The following ANO3 variants were observed in gnomAD, a reference collection of about 807,000 sequenced individuals.
ANO3 encodes the protein anoctamin 3.
Under a neutral mutation model 144.8 loss-of-function variants are expected in ANO3, and 99 were observed. The observed-to-expected ratio is 0.68, with a 90% CI of 0.58 to 0.81. ANO3 has a LOEUF of 0.81. ANO3 is among the 30% of genes least tolerant of loss of function. The probability of loss-of-function intolerance (pLI) is 0.00; values close to 1 mark genes in which losing one functional copy is unlikely to be tolerated. For synonymous variants in ANO3, 414 were observed against 392.6 expected (o/e 1.05, Z -0.64); for missense variants, 905 against 1,202.2 (o/e 0.75, Z 3.66).
chr11:26,596,024 T>C (rs1019147488), intron 14 of ANO3, among the ~76,000 whole-genome samples: 35 of 152,234 alleles, frequency 2.3e-4, no homozygotes, highest in Non-Finnish European at 1.2e-4. Flanking sequence ...CTCAGTGTTT[T>C]GGGCTATGCC....
chr11:26,565,184 ATTTGGAAAGAGT>A (rs1850516921), intron 14 of ANO3: 2 of 1,506,038 alleles, frequency 1.3e-6, no homozygotes, highest in Non-Finnish European at 1.8e-6. Context: ...GATCTGACGT[ATTTGGAAAGAGT>A]TTTGAATTAT....
rs1321337028 is a variant in ANO3 at position 26,547,563 on chromosome 11, G to A, written c.1289+13G>A. The A allele has an allele frequency of 1.9e-6, 3 of 1,609,334 alleles. No individual in the cohort carries two copies. The highest frequency in any genetic ancestry group is 2.7e-5 in the African/African-American group (2 of 74,684). On this transcript the variant is annotated intron_variant, in intron 12 of 26. Transcript: ENST00000256737. ...ATAGTCAAGTAAGGTAGGCTATTAA[G>A]AGACCTATTAAAAATATTTGGCTTG...
chr11:26,312,248 T>C (rs1027319762), intron 1 of ANO3, among the ~76,000 whole-genome samples: 8 of 152,376 alleles, frequency 5.3e-5, no homozygotes, highest in Non-Finnish European at 1.2e-4. Context: ...CTATCATTGA[T>C]GGACATTTGG....
intron 4 of ANO3, among the ~76,000 whole-genome samples, chr11:26,505,011 CAAAAAAAAAAAAAAA>C (rs61530995): frequency 3.1e-5 from 2 of 63,666 alleles, no homozygotes; most frequent in Admixed American, 4.5e-4. Context: ...GACTCCACCT[CAAAAAAAAAAAAAAA>C]AAAAAAAAAA....
At chr11:26,401,101 G>T (rs912596589) in intron 1 of ANO3, among the ~76,000 whole-genome samples, 1 of 151,970 alleles carries the variant, frequency 6.6e-6, no homozygotes, top group African/African-American at 2.4e-5. Context: ...TGTATAAAAG[G>T]TTCCTTTCTA....
intron 4 of ANO3, among the ~76,000 whole-genome samples, chr11:26,477,192 T>C (rs1860017230): frequency 6.6e-6 from 1 of 152,016 alleles, no homozygotes; most frequent in South Asian, 2.1e-4. Flanking sequence ...ATGGTTTCCA[T>C]CGTCAAAAAG....
chr11:26,327,331 CATT>C (rs1326097614), upstream of ANO3, among the ~76,000 whole-genome samples: 1 of 152,102 alleles, frequency 6.6e-6, no homozygotes, highest in East Asian at 1.9e-4. Flanking sequence ...ATGGTAGAAA[CATT>C]ATGAAAATGC....
intron 1 of ANO3, among the ~76,000 whole-genome samples, chr11:26,264,838 T>G (rs1415593201): frequency 1.3e-5 from 2 of 152,106 alleles, no homozygotes; most frequent in Non-Finnish European, 2.9e-5. Context: ...CCCTAATGAC[T>G]TTATTCCATG....
intron 4 of ANO3, among the ~76,000 whole-genome samples, chr11:26,503,073 T>A (rs1015257486): frequency 2.0e-5 from 3 of 152,170 alleles, no homozygotes; most frequent in African/African-American, 7.2e-5. Context: ...TGAAAGTATC[T>A]GAGCTTCATG....
rs528720315 is a variant in ANO3 at position 26,586,542 on chromosome 11, C to A, written c.1448-11823C>A. Reference sequence around the variant, plus strand: ...TTTTTGAGACATAGTCTCATTCTATCGCCAGGCTGGAGTGCAGTGGCGCGA... The same window carrying A: ...TTTTTGAGACATAGTCTCATTCTATAGCCAGGCTGGAGTGCAGTGGCGCGA... On this transcript the variant is annotated intron_variant, in intron 14 of 26. Coordinates refer to ENST00000256737, the MANE Select transcript of ANO3 (RefSeq NM_031418.4). Among the ~76,000 whole-genome samples, 17 of 69,334 alleles carry A rather than the reference C, an allele frequency of 2.5e-4. No individual in the cohort carries two copies. The South Asian group carries it at 4.3e-3, about 18-fold the overall frequency. The allele number at this position is 69,334 out of a possible 152,430, so 45.5% of individuals were successfully genotyped here.
intron 12 of ANO3, 30 bp from the exon 13 acceptor site, chr11:26,553,219 G>GTTTTTTTTTTTTTTTTTTTTTTTTT (rs201093158): frequency 2.5e-6 from 3 of 1,198,802 alleles, no homozygotes; most frequent in African/African-American, 2.1e-5. Flanking sequence ...GCTATGTTTT[G>GTTTTTTTTTTTTTTTTTTTTTTTTT]TTTTGTTTTT....
At chr11:26,616,373 C>A (rs1193692945) in intron 17 of ANO3, among the ~76,000 whole-genome samples, 1 of 151,144 alleles carries the variant, frequency 6.6e-6, no homozygotes, top group Non-Finnish European at 1.5e-5. Context: ...CTTTTCATGT[C>A]CCTTAATTAT....
intron 7 of ANO3, among the ~76,000 whole-genome samples, chr11:26,528,225 G>A (rs1003931123): frequency 1.3e-5 from 2 of 152,114 alleles, no homozygotes; most frequent in African/African-American, 4.8e-5. Context: ...GCCCCGTGGT[G>A]TCAGACAATA....
intron 1 of ANO3, among the ~76,000 whole-genome samples, chr11:26,341,558 T>G (rs1855359901): frequency 6.6e-6 from 1 of 152,228 alleles, no homozygotes. Flanking sequence ...TTACTTCATT[T>G]CGCAGATGTA....
At chr11:26,206,458 C>T (rs1851796258) in intron 1 of ANO3, among the ~76,000 whole-genome samples, 1 of 152,036 alleles carries the variant, frequency 6.6e-6, no homozygotes, top group Non-Finnish European at 1.5e-5. Context: ...ATATTATTTC[C>T]TTCCTAGACA....
intron 1 of ANO3, among the ~76,000 whole-genome samples, chr11:26,288,867 C>T (rs184719249): frequency 6.6e-6 from 1 of 152,150 alleles, no homozygotes; most frequent in East Asian, 1.9e-4. Flanking sequence ...CTCTGGGAAG[C>T]TACAATAGGT....
intron 1 of ANO3, among the ~76,000 whole-genome samples, chr11:26,368,040 G>T (rs1020483385): frequency 2.0e-5 from 3 of 152,186 alleles, no homozygotes; most frequent in Non-Finnish European, 4.4e-5. Context: ...ATGAGATATG[G>T]ATGAGGACAA....
At chr11:26,308,886 A>G (rs930152352), upstream of ANO3, among the ~76,000 whole-genome samples, 1 of 152,218 alleles carries the variant, frequency 6.6e-6, no homozygotes, top group African/African-American at 2.4e-5. Context: ...CAGCCTATGC[A>G]CATTTTTATT....
At chr11:26,195,312 A>T (rs1451204765) in intron 1 of ANO3, among the ~76,000 whole-genome samples, 3 of 152,218 alleles carry the variant, frequency 2.0e-5, no homozygotes, top group African/African-American at 7.2e-5. Context: ...GAGTCCTTGT[A>T]AAGTAGCTGG....
Sources: allele counts gnomAD v4.1 joint callset (sites outside exome capture counted in the v4.1 genomes callset), GRCh38; gene constraint gnomAD v4.1.1; transcripts MANE v1.5; gene names NCBI Gene and HGNC (gene_info 2026-07-23, HGNC 2026-07-21).